The following BBS9 variants were observed in gnomAD, a reference collection of about 807,000 sequenced individuals.
The protein encoded by BBS9 is Bardet-Biedl syndrome 9.
A neutral mutation model predicts 117.7 loss-of-function variants in BBS9; 89 were observed. The ratio of observed to expected loss-of-function variants is 0.76; its 90% confidence interval spans 0.64 to 0.90. The LOEUF is 0.90. BBS9 is among the 40% of genes least tolerant of loss of function. The pLI is 0.00. For missense variants in BBS9, 982 were observed against 1,042.2 expected, an observed-to-expected ratio of 0.94 and a Z score of 0.80; for synonymous variants, 379 against 370.9, an observed-to-expected ratio of 1.02 and a Z score of -0.25.
chr7:33,159,938 A>T (rs1218320827), intron 4 of BBS9, among the ~76,000 whole-genome samples: 3 of 152,230 alleles, frequency 2.0e-5, no homozygotes, highest in Admixed American at 1.3e-4. Flanking sequence ...AATGAGCTAG[A>T]TAAAGAGTCT....
chr7:33,390,331 C>A, intron 19 of BBS9: 1 of 985,188 alleles, frequency 1.0e-6, no homozygotes, highest in Non-Finnish European at 1.2e-6. Context: ...GTCTTTTATA[C>A]ATTTAAAGTG....
At chr7:33,573,111 A>G (rs574237869) in intron 21 of BBS9, among the ~76,000 whole-genome samples, 1 of 152,070 alleles carries the variant, frequency 6.6e-6, no homozygotes, top group South Asian at 2.1e-4. Flanking sequence ...ATGTCCTTTT[A>G]ATATGCCCCC....
Position 33,534,088 on chromosome 7 carries a change from T to C in BBS9, c.2433T>C (p.His811=), listed in dbSNP as rs1850999612. 1.2e-6 allele frequency: 2 copies of C among 1,614,028 alleles called. No individual in the cohort carries two copies. The highest frequency in any genetic ancestry group is 1.3e-5 in the African/African-American group (1 of 74,906). ...AAGACACAAGCCAACTGAAGAAACATATCACCTTGCTCTGCGATAGATTAT... is the reference window on the plus strand; with the variant it reads ...AAGACACAAGCCAACTGAAGAAACACATCACCTTGCTCTGCGATAGATTAT... The part of the protein sequence containing the change: ...IPKDTSQLKK[H]ITLLCDRLSK... The change falls in exon 21 of 23, where the codon CAT becomes CAC. Residue 811 remains histidine, a synonymous_variant. Coordinates refer to ENST00000242067, the MANE Select transcript of BBS9 (RefSeq NM_198428.3).
At chr7:33,132,823 C>A (rs1045285874) in intron 1 of BBS9, among the ~76,000 whole-genome samples, 2 of 152,126 alleles carry the variant, frequency 1.3e-5, no homozygotes, top group Admixed American at 1.3e-4. Flanking sequence ...CAATTTATGG[C>A]TAATTTTTCA....
At chr7:33,578,844 T>C (rs1462789034) in intron 21 of BBS9, among the ~76,000 whole-genome samples, 1 of 152,170 alleles carries the variant, frequency 6.6e-6, no homozygotes, top group Non-Finnish European at 1.5e-5. Flanking sequence ...AATGGTGTAG[T>C]TTTCCAACTG....
chr7:33,196,241 T>C (rs1025194711), intron 5 of BBS9, among the ~76,000 whole-genome samples: 1 of 152,160 alleles, frequency 6.6e-6, no homozygotes, highest in African/African-American at 2.4e-5. Flanking sequence ...GAGGTTTTGC[T>C]ACATCTTGAG....
intron 21 of BBS9, among the ~76,000 whole-genome samples, chr7:33,618,186 T>A (rs1865237636): frequency 6.6e-6 from 1 of 152,034 alleles, no homozygotes; most frequent in Admixed American, 6.6e-5. Context: ...CAAATTTTTT[T>A]GTTTCAGAAT....
intron 9 of BBS9, among the ~76,000 whole-genome samples, chr7:33,307,636 A>G (rs1049945478): frequency 1.3e-5 from 2 of 152,162 alleles, no homozygotes; most frequent in African/African-American, 4.8e-5. Context: ...ATCTTCCTGT[A>G]TTATTTAATG....
At chr7:33,427,839 C>T (rs548316268) in intron 19 of BBS9, among the ~76,000 whole-genome samples, 5 of 152,204 alleles carry the variant, frequency 3.3e-5, no homozygotes, top group South Asian at 4.2e-4. Flanking sequence ...TGTAGCTAAG[C>T]GTAGGATATT....
intron 19 of BBS9, among the ~76,000 whole-genome samples, chr7:33,403,771 G>A (rs970499429): frequency 1.3e-5 from 2 of 151,936 alleles, no homozygotes; most frequent in African/African-American, 2.4e-5. Context: ...TGCCGCAATA[G>A]ACATACGTGT....
At chr7:33,231,428 C>CTTTTTTTTTTTTT (rs35407590) in intron 5 of BBS9, among the ~76,000 whole-genome samples, 4 of 106,384 alleles carry the variant, frequency 3.8e-5, no homozygotes, top group Non-Finnish European at 7.7e-5. Flanking sequence ...GCCTATGTGT[C>CTTTTTTTTTTTTT]TTTTTTTTTT....
intron 4 of BBS9, among the ~76,000 whole-genome samples, chr7:33,167,495 C>G (rs13231353): frequency 6.6e-6 from 1 of 151,188 alleles, no homozygotes; most frequent in African/African-American, 2.4e-5. Context: ...CTCTGCCTCC[C>G]GGGTTCAAGC....
chr7:33,422,428 C>T lies in BBS9; in HGVS notation c.2115+34284C>T, dbSNP rs111625589. 6.1e-3 allele frequency among the ~76,000 whole-genome samples: 936 copies of T among 152,206 alleles called. 12 individuals are homozygous for T. Among genetic ancestry groups the T allele is most frequent in the African/African-American group, 0.022 (900 of 41,540 alleles). ...AAGCTTCTCTTTCTAACTTCTAGCC[C>T]ATTTTTAGAGAGAAAGTGATATTTT... On this transcript the variant is annotated intron_variant, in intron 19 of 22. Transcript: ENST00000242067.
chr7:33,322,275 T>C (rs1361568487), intron 9 of BBS9, among the ~76,000 whole-genome samples: 1 of 151,954 alleles, frequency 6.6e-6, no homozygotes, highest in Middle Eastern at 3.2e-3. Flanking sequence ...TCTGTTTTTT[T>C]GTAATAATTT....
chr7:33,447,991 T>TA (rs1286686898), intron 19 of BBS9, among the ~76,000 whole-genome samples: 1 of 152,104 alleles, frequency 6.6e-6, no homozygotes, highest in Non-Finnish European at 1.5e-5. Flanking sequence ...ACCTAGTTTG[T>TA]AAAAAAACAA....
chr7:33,336,082 G>A (rs1815300415), intron 9 of BBS9, among the ~76,000 whole-genome samples: 1 of 152,128 alleles, frequency 6.6e-6, no homozygotes, highest in Admixed American at 6.5e-5. Context: ...TACCTCCAAA[G>A]TGTTGTTCAC....
chr7:33,608,504 T>G (rs1056913543), downstream of BBS9, among the ~76,000 whole-genome samples: 1 of 152,128 alleles, frequency 6.6e-6, no homozygotes, highest in South Asian at 2.1e-4. Context: ...CCAGCAAAAG[T>G]GTACAAGCAT....
At position 33,411,660 on chromosome 7, in the gene BBS9, G is replaced by T. The variant is rs560532041; in HGVS notation, c.2115+23516G>T. ...TTTATGGTAGTTTTGAGTCTTAAAA[G>T]TGTTATTCAGTCTACAAATGTTCAA... On this transcript the variant is annotated intron_variant, in intron 19 of 22. Coordinates refer to ENST00000242067, the MANE Select transcript of BBS9 (RefSeq NM_198428.3). 1.0e-3 allele frequency among the ~76,000 whole-genome samples: 158 copies of T among 152,166 alleles called. 1 individual carries two copies. Among genetic ancestry groups the T allele is most frequent in the South Asian group, 4.2e-4 (2 of 4,818 alleles).
intron 19 of BBS9, among the ~76,000 whole-genome samples, chr7:33,496,693 A>G (rs1339805471): frequency 1.3e-5 from 2 of 152,198 alleles, no homozygotes; most frequent in Admixed American, 6.5e-5. Context: ...CTATGCCTTC[A>G]AAGTAAAAGC....
Sources: allele counts gnomAD v4.1 joint callset (sites outside exome capture counted in the v4.1 genomes callset), GRCh38; gene constraint gnomAD v4.1.1; transcripts MANE v1.5; gene names NCBI Gene and HGNC (gene_info 2026-07-23, HGNC 2026-07-21).